The following RAPGEF5 variants were observed in gnomAD, a reference collection of about 807,000 sequenced individuals.
The protein encoded by RAPGEF5 is Rap guanine nucleotide exchange factor 5.
In RAPGEF5, 65 loss-of-function variants were observed where a neutral mutation model predicts 125.2. The observed-to-expected ratio is 0.52, with a 90% CI of 0.43 to 0.64. The LOEUF is 0.64. Ranked by LOEUF, RAPGEF5 falls within the 30% of genes least tolerant of loss-of-function variation. The pLI, the probability that RAPGEF5 is intolerant of heterozygous loss-of-function variation, is 0.00. For missense variants in RAPGEF5, 958 were observed against 1,048.1 expected, an observed-to-expected ratio of 0.91 and a Z score of 1.19; for synonymous variants, 391 against 385.9, an observed-to-expected ratio of 1.01 and a Z score of -0.16.
intron 7 of RAPGEF5, among the ~76,000 whole-genome samples, chr7:22,261,851 C>A (rs78361054): frequency 8.9e-5 from 1 of 11,294 alleles, no homozygotes; most frequent in Non-Finnish European, 2.3e-4. Flanking sequence ...CATTCATAGG[C>A]CAAAAAAAAA....
At chr7:22,242,947 C>CAAAAAAAAAAAAAAAAAAAAAAAA (rs537954162) in intron 7 of RAPGEF5, among the ~76,000 whole-genome samples, 1 of 65,746 alleles carries the variant, frequency 1.5e-5, no homozygotes, top group Non-Finnish European at 3.4e-5. Flanking sequence ...AACTCCGTCT[C>CAAAAAAAAAAAAAAAAAAAAAAAA]AAAAAAAAAA....
chr7:22,234,125 A>G (rs1786127842), intron 7 of RAPGEF5, among the ~76,000 whole-genome samples: 1 of 152,228 alleles, frequency 6.6e-6, no homozygotes, highest in South Asian at 2.1e-4. Context: ...CTAGACAAGG[A>G]TTTATGATTA....
At chr7:22,314,371 C>T (rs1583572317) in intron 3 of RAPGEF5, among the ~76,000 whole-genome samples, 1 of 152,104 alleles carries the variant, frequency 6.6e-6, no homozygotes, top group Non-Finnish European at 1.5e-5. Context: ...GCGCATTTTA[C>T]TATAGAAAAA....
chr7:22,347,490 C>T (rs1784244696), intron 1 of RAPGEF5, among the ~76,000 whole-genome samples: 1 of 151,100 alleles, frequency 6.6e-6, no homozygotes, highest in Non-Finnish European at 1.5e-5. Context: ...TTATAGGGAG[C>T]AAAACAGTAA....
intron 25 of RAPGEF5, among the ~76,000 whole-genome samples, chr7:22,124,289 T>C (rs10950892): frequency 0.14 from 21,770 of 152,224 alleles, 1,753 homozygotes; most frequent in East Asian, 0.32. Flanking sequence ...AAAAGCAATA[T>C]GAAGCTGTAC....
chr7:22,301,614 CAAA>C (rs35404390), intron 5 of RAPGEF5, among the ~76,000 whole-genome samples: 2 of 83,792 alleles, frequency 2.4e-5, no homozygotes, highest in Non-Finnish European at 2.4e-5. Flanking sequence ...GACTCTGTCT[CAAA>C]AAAAAAAAAA....
chr7:22,138,825 C>G (rs1247196681), intron 21 of RAPGEF5, among the ~76,000 whole-genome samples: 2 of 152,210 alleles, frequency 1.3e-5, no homozygotes, highest in African/African-American at 4.8e-5. Context: ...TTTTCCAAAT[C>G]AGTTTCATTC....
At chr7:22,265,476 C>T (rs2108287) in intron 7 of RAPGEF5, among the ~76,000 whole-genome samples, 71,051 of 152,002 alleles carry the variant, frequency 0.47, 17,102 homozygotes, top group East Asian at 0.67. Flanking sequence ...ATTGTGTATA[C>T]GTGCCAAATT....
At chr7:22,318,134 C>T (rs1783640679) in intron 1 of RAPGEF5, 97 bp from the exon 2 acceptor site, 5 of 1,092,268 alleles carry the variant, frequency 4.6e-6, no homozygotes, top group Non-Finnish European at 6.2e-6. Flanking sequence ...CAGGCCTCTG[C>T]TATGAAAAAA....
intron 11 of RAPGEF5, among the ~76,000 whole-genome samples, chr7:22,186,579 A>C (rs1447785949): frequency 6.6e-6 from 1 of 152,194 alleles, no homozygotes; most frequent in Non-Finnish European, 1.5e-5. Context: ...CAGGAGGGTA[A>C]GGAGTTTTGT....
Position 22,160,519 on chromosome 7 carries a change from G to A in RAPGEF5, c.1525C>T (p.His509Tyr). 6.5e-7 allele frequency: 1 copy of A among 1,539,774 alleles called. No individual in the cohort carries two copies. The highest frequency in any genetic ancestry group is 8.7e-7 in the Non-Finnish European group (1 of 1,143,404). ...TAATTAGGAAAATGAAATACTTACT[G>A]ACGACGGTGCATTCCAAGTATCTTT... ...FQKILGMHRR[H>Y]TVDEYSPQKK... Residue 509 changes from histidine to tyrosine, a missense_variant and splice_region_variant, in exon 14 of 26, where the codon CAC becomes TAC. By Grantham distance (83) the His-to-Tyr change is moderately conservative. Coordinates refer to ENST00000665637, the MANE Select transcript of RAPGEF5 (RefSeq NM_012294.5).
intron 5 of RAPGEF5, chr7:22,298,806 T>C (rs1489050900): frequency 1.3e-5 from 2 of 152,232 alleles, no homozygotes; most frequent in Admixed American, 6.5e-5. Context: ...CATAATTCTA[T>C]TCAGATTCTT....
intron 12 of RAPGEF5, among the ~76,000 whole-genome samples, chr7:22,163,460 C>T (rs925036250): frequency 2.0e-5 from 3 of 152,100 alleles, no homozygotes; most frequent in African/African-American, 7.2e-5. Flanking sequence ...CTTCTGTTAA[C>T]AATGTTTATT....
At chr7:22,199,688 C>T (rs187047612) in intron 9 of RAPGEF5, among the ~76,000 whole-genome samples, 24 of 151,942 alleles carry the variant, frequency 1.6e-4, no homozygotes, top group Admixed American at 1.2e-3. Flanking sequence ...CTGGAAGGTC[C>T]GAGAAAGAAG....
chr7:22,247,431 G>C (rs901971985), intron 7 of RAPGEF5, among the ~76,000 whole-genome samples: 1 of 152,144 alleles, frequency 6.6e-6, no homozygotes, highest in African/African-American at 2.4e-5. Flanking sequence ...ATGGAGGTGG[G>C]TTTTTCATGT....
At chr7:22,125,494 C>T in intron 25 of RAPGEF5, 110 bp downstream of exon 25, 2 of 1,005,520 alleles carry the variant, frequency 2.0e-6, no homozygotes, top group Non-Finnish European at 3.1e-6. Context: ...TATGTATATA[C>T]ATATGATACT....
intron 4 of RAPGEF5, 50 bp downstream of exon 4, chr7:22,309,919 T>C: frequency 6.6e-7 from 1 of 1,507,758 alleles, no homozygotes. Context: ...TATTTTCATC[T>C]GATAGCTTAA....
rs1178450471 is a variant in RAPGEF5, at chr7:22,193,987, C to T, written c.1043G>A (p.Ser348Asn). The change falls in exon 10 of 26, where the codon AGC (serine) becomes AAC (asparagine). Residue 348 changes from serine to asparagine, a missense_variant. Coordinates refer to ENST00000665637, the MANE Select transcript of RAPGEF5 (RefSeq NM_012294.5). The part of the protein sequence containing the change: ...TTVQVKEQDQ[S>N]VLVLKKVQCC... The stretch of plus-strand genomic sequence containing the variant: ...CTGCACTTTCTTCAGCACCAGGACG[C>T]TCTGGTCTTGCTCTTTAACCTGAAC... 3.7e-6 allele frequency: 6 copies of T among 1,613,950 alleles called. No individual in the cohort carries two copies. The highest frequency in any genetic ancestry group is 5.1e-6 in the Non-Finnish European group (6 of 1,179,874).
intron 18 of RAPGEF5, among the ~76,000 whole-genome samples, chr7:22,150,025 CA>C (rs1249014010): frequency 1.4e-5 from 2 of 147,542 alleles, no homozygotes; most frequent in East Asian, 4.0e-4. Flanking sequence ...ATTTTTTTAA[CA>C]TTCATTATAA....
Sources: allele counts gnomAD v4.1 joint callset (sites outside exome capture counted in the v4.1 genomes callset), GRCh38; gene constraint gnomAD v4.1.1; transcripts MANE v1.5; gene names NCBI Gene and HGNC (gene_info 2026-07-23, HGNC 2026-07-21).